The following VPS13B variants were observed in gnomAD, a reference collection of about 807,000 sequenced individuals.
VPS13B encodes vacuolar protein sorting 13 homolog B, also known as intermembrane lipid transfer protein VPS13B.
VPS13B carries 285 observed loss-of-function variants against 426.4 expected under a neutral mutation model. That is an observed-to-expected ratio of 0.67 (90% CI 0.61 to 0.74). The LOEUF (loss-of-function observed/expected upper bound fraction) is 0.74, where lower values mean the gene tolerates loss of function less well. Among genes scored for constraint, VPS13B ranks in the 30% least tolerant of loss-of-function variants. The pLI is 0.00. For missense variants in VPS13B, 4,537 were observed against 4,782.6 expected, an observed-to-expected ratio of 0.95 and a Z score of 1.51; for synonymous variants, 1,676 against 1,676.4, an observed-to-expected ratio of 1.00 and a Z score of 0.01.
At chr8:99,108,453 A>T (rs1371066626) in intron 5 of VPS13B, among the ~76,000 whole-genome samples, 2 of 152,072 alleles carry the variant, frequency 1.3e-5, no homozygotes, top group African/African-American at 4.8e-5. Context: ...TGATTTTTTT[A>T]AATAGTGAGA....
chr8:99,615,068 G>C (rs892557260), intron 33 of VPS13B, among the ~76,000 whole-genome samples: 1 of 138,518 alleles, frequency 7.2e-6, no homozygotes, highest in Non-Finnish European at 1.5e-5. Context: ...GGTGAGCCGA[G>C]ATTGCGCCAT....
chr8:99,467,385 T>G, intron 23 of VPS13B, 29 bp from the exon 24 acceptor site: 1 of 1,598,634 alleles, frequency 6.3e-7, no homozygotes, highest in Non-Finnish European at 8.6e-7. Context: ...TTTGTGTGCT[T>G]CCCTATTCCC....
At chr8:99,713,921 A>G (rs1228752206) in intron 36 of VPS13B, among the ~76,000 whole-genome samples, 3 of 152,116 alleles carry the variant, frequency 2.0e-5, no homozygotes, top group East Asian at 1.9e-4. Context: ...GTGCAGATCA[A>G]CCAAAGTCAG....
At chr8:99,487,867 A>G (rs1293420879) in intron 25 of VPS13B, among the ~76,000 whole-genome samples, 1 of 152,068 alleles carries the variant, frequency 6.6e-6, no homozygotes, top group Admixed American at 6.6e-5. Flanking sequence ...CATCTGGGTT[A>G]TTTCTACCCT....
In VPS13B at chr8:99,255,444, A is replaced by G. The variant is rs143656928; in HGVS notation, c.2516-18754A>G. 6.2e-3 allele frequency among the ~76,000 whole-genome samples: 948 copies of G among 152,026 alleles called. 7 individuals are homozygous for G. Among genetic ancestry groups the G allele is most frequent in the African/African-American group, 0.021 (889 of 41,442 alleles). On this transcript the variant is annotated intron_variant, in intron 17 of 61. Transcript: ENST00000357162. ...GTTTTTGGTACGATGAGTGATTTTT[A>G]TTTGAAACCTGGATGTTTGGATATT...
At chr8:99,797,516 A>G (rs530038433) in intron 43 of VPS13B, among the ~76,000 whole-genome samples, 59 of 152,208 alleles carry the variant, frequency 3.9e-4, no homozygotes, top group Non-Finnish European at 6.2e-4. Context: ...ATACTTTTGT[A>G]TATACTATTA....
intron 30 of VPS13B, among the ~76,000 whole-genome samples, chr8:99,545,577 C>T (rs1414480418): frequency 2.0e-5 from 3 of 152,028 alleles, no homozygotes; most frequent in Admixed American, 1.3e-4. Flanking sequence ...AGTTTAATTG[C>T]TAGGTGATAG....
chr8:99,875,015 T>C, intron 61 of VPS13B: 1 of 261,786 alleles, frequency 3.8e-6, no homozygotes, highest in Non-Finnish European at 7.4e-6. Context: ...AAACAGAGCT[T>C]TTATTTCAGT....
chr8:99,752,867 TGTAA>T (rs1810467748), intron 39 of VPS13B, among the ~76,000 whole-genome samples: 1 of 152,176 alleles, frequency 6.6e-6, no homozygotes, highest in South Asian at 2.1e-4. Context: ...GTTGTCACAG[TGTAA>T]GTGTTTGGTT....
At chr8:99,203,061 A>T (rs1814448629) in intron 17 of VPS13B, among the ~76,000 whole-genome samples, 1 of 131,276 alleles carries the variant, frequency 7.6e-6, no homozygotes, top group East Asian at 2.1e-4. Flanking sequence ...AAAAAAAAAA[A>T]AGGAAAATTT....
chr8:99,279,423 C>G (rs1819058748), intron 19 of VPS13B, among the ~76,000 whole-genome samples: 1 of 151,844 alleles, frequency 6.6e-6, no homozygotes, highest in Non-Finnish European at 1.5e-5. Context: ...CCACACCTGG[C>G]TAATTTTTGT....
intron 19 of VPS13B, among the ~76,000 whole-genome samples, chr8:99,351,608 A>G (rs900611591): frequency 1.3e-5 from 2 of 152,142 alleles, no homozygotes; most frequent in African/African-American, 4.8e-5. Context: ...TGTGGTCACC[A>G]CCTGGGAGAC....
chr8:99,544,310 T>A (rs1219921044), intron 30 of VPS13B, among the ~76,000 whole-genome samples: 1 of 151,856 alleles, frequency 6.6e-6, no homozygotes, highest in Non-Finnish European at 1.5e-5. Context: ...GCAGGGCCTG[T>A]TGTGGGGTGG....
intron 33 of VPS13B, among the ~76,000 whole-genome samples, chr8:99,625,696 A>T (rs1237812158): frequency 6.6e-6 from 1 of 152,150 alleles, no homozygotes; most frequent in East Asian, 1.9e-4. Flanking sequence ...TCTACAAAAA[A>T]TTAGCGAAGT....
chr8:99,710,428 G>A (rs1455635624), intron 36 of VPS13B, among the ~76,000 whole-genome samples: 4 of 152,040 alleles, frequency 2.6e-5, no homozygotes, highest in Non-Finnish European at 4.4e-5. Flanking sequence ...TGAACTCTGA[G>A]TATTCTCTGT....
At chr8:99,204,303 C>T (rs924571482) in intron 17 of VPS13B, among the ~76,000 whole-genome samples, 20 of 152,134 alleles carry the variant, frequency 1.3e-4, no homozygotes, top group African/African-American at 4.6e-4. Context: ...ACTGGCTAGC[C>T]TTATGCAGAA....
chr8:99,084,549 G>T (rs1044361138), intron 3 of VPS13B, among the ~76,000 whole-genome samples: 4 of 152,096 alleles, frequency 2.6e-5, no homozygotes, highest in Non-Finnish European at 4.4e-5. Context: ...TGATGTTAGG[G>T]TGTCAATTTT....
intron 43 of VPS13B, among the ~76,000 whole-genome samples, chr8:99,787,448 A>G (rs1812325662): frequency 6.6e-6 from 1 of 152,216 alleles, no homozygotes; most frequent in South Asian, 2.1e-4. Context: ...AAGGAAGAAG[A>G]AAACTATTTC....
At chr8:99,502,272 C>T (rs1402066225) in intron 26 of VPS13B, among the ~76,000 whole-genome samples, 2 of 152,144 alleles carry the variant, frequency 1.3e-5, no homozygotes, top group African/African-American at 4.8e-5. Context: ...GCATGAGCCA[C>T]CATGCCCGGC....
Sources: gnomAD v4.1 joint callset for allele counts (sites outside exome capture counted in the v4.1 genomes callset) on GRCh38, gnomAD v4.1.1 for gene constraint, MANE v1.5 for transcripts, NCBI Gene and HGNC (gene_info 2026-07-23, HGNC 2026-07-21) for gene names.